Variants in IGF2BP3 observed in about 807,000 individuals in gnomAD.
IGF2BP3 encodes insulin-like growth factor 2 mRNA-binding protein 3.
Under a neutral mutation model 73.8 loss-of-function variants are expected in IGF2BP3, and 9 were observed. The observed-to-expected ratio is 0.12, with a 90% CI of 0.07 to 0.21. The LOEUF (loss-of-function observed/expected upper bound fraction) is 0.21. IGF2BP3 is among the 10% of genes least tolerant of loss of function. The pLI is 1.00. For synonymous variants in IGF2BP3, 258 were observed against 256.7 expected (o/e 1.01, Z -0.05); for missense variants, 542 against 714.0 (o/e 0.76, Z 2.75).
rs554450123 is a variant in IGF2BP3 at position 23,408,764 on chromosome 7, G to A, written c.285+10012C>T. Among the ~76,000 whole-genome samples, 8 of 152,204 alleles carry A rather than the reference G, an allele frequency of 5.3e-5. No homozygotes were observed. In the South Asian group the frequency reaches 6.2e-4, roughly 12 times the overall value. On this transcript the variant is annotated intron_variant, in intron 3 of 14. Coordinates refer to ENST00000258729, the MANE Select transcript of IGF2BP3 (RefSeq NM_006547.3). ...GAGATATTTATTCACCTACATTCAC[G>A]GTGGCATTGATCACAATAGCCAAAA...
At chr7:23,445,915 T>C (rs1788054230) in intron 2 of IGF2BP3, among the ~76,000 whole-genome samples, 2 of 152,212 alleles carry the variant, frequency 1.3e-5, no homozygotes, top group South Asian at 4.1e-4. Context: ...TTAGATTTAT[T>C]ACATTTAGGT....
At chr7:23,415,803 C>T (rs1480044734) in intron 3 of IGF2BP3, among the ~76,000 whole-genome samples, 1 of 152,198 alleles carries the variant, frequency 6.6e-6, no homozygotes, top group Non-Finnish European at 1.5e-5. Flanking sequence ...GTGGCTGCTC[C>T]TTACAGTCAC....
intron 2 of IGF2BP3, among the ~76,000 whole-genome samples, chr7:23,440,207 G>T (rs540235741): frequency 2.0e-5 from 3 of 151,740 alleles, no homozygotes; most frequent in Admixed American, 6.6e-5. Flanking sequence ...AGGTTGCAGT[G>T]AGCCAAGATC....
intron 2 of IGF2BP3, among the ~76,000 whole-genome samples, chr7:23,459,913 A>G (rs1213229406): frequency 6.6e-6 from 1 of 151,884 alleles, no homozygotes; most frequent in South Asian, 2.1e-4. Flanking sequence ...TGTTATGTTA[A>G]TAAGAAAGCA....
chr7:23,363,788 C>G (rs1785292747), intron 3 of IGF2BP3, among the ~76,000 whole-genome samples: 1 of 152,196 alleles, frequency 6.6e-6, no homozygotes, highest in Non-Finnish European at 1.5e-5. Context: ...CCTGGTATAT[C>G]TTATAGGAAG....
chr7:23,320,828 G>A (rs1784117437), intron 10 of IGF2BP3, among the ~76,000 whole-genome samples: 1 of 151,002 alleles, frequency 6.6e-6, no homozygotes, highest in Non-Finnish European at 1.5e-5. Flanking sequence ...CTTGCCTGTG[G>A]TCCCAGATAC....
rs111804106 is a variant in IGF2BP3 at position 23,352,904 on chromosome 7, GT to G, written c.402-1319del. Among the ~76,000 whole-genome samples, 794 of 152,004 alleles carry G rather than the reference GT, an allele frequency of 5.2e-3. 8 individuals are homozygous for G. Among genetic ancestry groups the G allele is most frequent in the African/African-American group, 0.018 (727 of 41,446 alleles). ...ATATTCATCCAAATTGTTGTGTTCTGTTTTCTGGGGTTTTTTGTTTGTTTGT... is the reference window on the plus strand; with the variant it reads ...ATATTCATCCAAATTGTTGTGTTCTGTTTCTGGGGTTTTTTGTTTGTTTGT... On this transcript the variant is annotated intron_variant, in intron 5 of 14. Coordinates refer to ENST00000258729, the MANE Select transcript of IGF2BP3 (RefSeq NM_006547.3).
intron 2 of IGF2BP3, among the ~76,000 whole-genome samples, chr7:23,466,527 T>A (rs769922706): frequency 6.6e-6 from 1 of 152,228 alleles, no homozygotes; most frequent in Non-Finnish European, 1.5e-5. Context: ...AAAATTTAAA[T>A]CTACATTGTT....
intron 2 of IGF2BP3, among the ~76,000 whole-genome samples, chr7:23,464,666 A>G (rs1788523040): frequency 6.6e-6 from 1 of 151,924 alleles, no homozygotes; most frequent in Non-Finnish European, 1.5e-5. Flanking sequence ...CCTGGGCAAC[A>G]GAGAGAGACT....
At position 23,465,529 on chromosome 7, in the gene IGF2BP3, C is replaced by CCA. The variant is rs200422843; in HGVS notation, c.236+2952_236+2953insTG. On this transcript the variant is annotated intron_variant, in intron 2 of 14. Coordinates refer to ENST00000258729, the MANE Select transcript of IGF2BP3 (RefSeq NM_006547.3). Reference sequence around the variant, plus strand: ...TTACTACTTCCTGAAAGGGTCCCCCCCCAAGCTCCACTGGAAGTCAAAGCC... The same window carrying CCA: ...TTACTACTTCCTGAAAGGGTCCCCCCCACCAAGCTCCACTGGAAGTCAAAGCC... 2.8e-4 allele frequency among the ~76,000 whole-genome samples: 43 copies of CCA among 151,858 alleles called. No homozygotes were observed. In the South Asian group the frequency reaches 3.1e-3, roughly 11 times the overall value.
At chr7:23,423,707 CA>C (rs375387627) in intron 2 of IGF2BP3, among the ~76,000 whole-genome samples, 258 of 151,744 alleles carry the variant, frequency 1.7e-3, no homozygotes, top group African/African-American at 5.8e-3. Flanking sequence ...ACTAACATTT[CA>C]AATGATTTCC....
intron 10 of IGF2BP3, among the ~76,000 whole-genome samples, chr7:23,330,322 A>G (rs1429934544): frequency 6.7e-6 from 1 of 148,422 alleles, no homozygotes; most frequent in African/African-American, 2.4e-5. Context: ...ATATTTATAC[A>G]ATATATATTT....
intron 3 of IGF2BP3, among the ~76,000 whole-genome samples, chr7:23,380,215 G>T (rs796783173): frequency 7.2e-6 from 1 of 138,362 alleles, no homozygotes; most frequent in African/African-American, 2.8e-5. Context: ...CCAGGCTGGA[G>T]AGCAGTGGCA....
chr7:23,329,058 C>T (rs554643849), intron 10 of IGF2BP3, among the ~76,000 whole-genome samples: 9 of 151,756 alleles, frequency 5.9e-5, no homozygotes, highest in Non-Finnish European at 1.3e-4. Context: ...AAAAGAAATA[C>T]AAAAATTAGC....
chr7:23,388,164 C>G (rs1359755718), intron 3 of IGF2BP3, among the ~76,000 whole-genome samples: 2 of 152,116 alleles, frequency 1.3e-5, no homozygotes, highest in Non-Finnish European at 2.9e-5. Context: ...GTCTCAATCT[C>G]CTGACCTCAA....
At chr7:23,422,269 A>G (rs1787371066) in intron 2 of IGF2BP3, among the ~76,000 whole-genome samples, 1 of 152,220 alleles carries the variant, frequency 6.6e-6, no homozygotes, top group Non-Finnish European at 1.5e-5. Context: ...TATTACAAAA[A>G]TAAATATCCA....
At chr7:23,319,354 T>C in intron 10 of IGF2BP3, 100 bp from the exon 11 acceptor site, 1 of 726,362 alleles carries the variant, frequency 1.4e-6, no homozygotes, top group South Asian at 1.8e-5. Context: ...GCAGTAGGAA[T>C]ACCAGGAAAG....
At chr7:23,405,398 C>G (rs989848194) in intron 3 of IGF2BP3, among the ~76,000 whole-genome samples, 3 of 152,208 alleles carry the variant, frequency 2.0e-5, no homozygotes, top group African/African-American at 7.2e-5. Flanking sequence ...ACTACAGAAA[C>G]TGAAGTGATT....
intron 2 of IGF2BP3, among the ~76,000 whole-genome samples, chr7:23,422,501 G>A (rs1435142019): frequency 6.6e-6 from 1 of 152,120 alleles, no homozygotes; most frequent in South Asian, 2.1e-4. Flanking sequence ...GTTTCAATGA[G>A]CTATAATCAT....
Sources: gnomAD v4.1 joint callset for allele counts (sites outside exome capture counted in the v4.1 genomes callset) on GRCh38, gnomAD v4.1.1 for gene constraint, MANE v1.5 for transcripts, NCBI Gene and HGNC (gene_info 2026-07-23, HGNC 2026-07-21) for gene names.